Variants in SLC3A1 observed in about 807,000 individuals in gnomAD.
The protein encoded by SLC3A1 is amino acid transporter heavy chain SLC3A1.
SLC3A1 carries 78 observed loss-of-function variants against 60.3 expected under a neutral mutation model. The observed-to-expected ratio is 1.29, with a 90% CI of 1.08 to 1.56. SLC3A1 has a LOEUF of 1.56. Among genes scored for constraint, SLC3A1 ranks in the 40% most tolerant of loss-of-function variants. The pLI is 0.00. For missense variants in SLC3A1, 1,172 were observed against 858.9 expected, an observed-to-expected ratio of 1.36 and a Z score of -4.56; for synonymous variants, 392 against 307.9, an observed-to-expected ratio of 1.27 and a Z score of -2.86.
chr2:44,313,709 T>A (rs1672354435), intron 8 of SLC3A1, 126 bp from the exon 9 acceptor site: 3 of 838,442 alleles, frequency 3.6e-6, no homozygotes, highest in Admixed American at 1.8e-5. Flanking sequence ...TCATCACAAA[T>A]GCTAATGAGT....
rs557113283 is a variant in SLC3A1 at position 44,278,290 on chromosome 2, C to CA, written c.430+2333dup. Among the ~76,000 whole-genome samples, 470 of 151,284 alleles carry CA rather than the reference C, an allele frequency of 3.1e-3. 3 individuals carry two copies. Among genetic ancestry groups the CA allele is most frequent in the African/African-American group, 0.011 (455 of 41,244 alleles). On this transcript the variant is annotated intron_variant, in intron 1 of 9. Transcript: ENST00000260649. ...AAACCCCGTCTCTACTAAAAAAATA[C>CA]AAAAAAAATCAGCTGGGCGTGGTGG...
intron 4 of SLC3A1, among the ~76,000 whole-genome samples, chr2:44,289,492 T>C (rs113787785): frequency 0.08 from 12,132 of 152,220 alleles, 572 homozygotes; most frequent in Non-Finnish European, 0.11. Context: ...ATTATAGGCA[T>C]GAGCCACCAC....
At chr2:44,310,368 G>C (rs901468594) in intron 7 of SLC3A1, among the ~76,000 whole-genome samples, 4 of 152,154 alleles carry the variant, frequency 2.6e-5, no homozygotes, top group African/African-American at 9.7e-5. Flanking sequence ...AAATGAAGTG[G>C]TATCTCATTT....
At position 44,312,627 on chromosome 2, in the gene SLC3A1, G is replaced by A. The variant is rs1402984821; in HGVS notation, c.1374G>A (p.Gly458=). ...GTTCACGGCTGACTTCGCGTTTGGG[G>A]AATCAGTATGTCAACGTGATGAACA... ...PDSSRLTSRL[G]NQYVNVMNML... The change falls in exon 8 of 10, where the codon GGG becomes GGA. Residue 458 remains glycine (G), a synonymous_variant. Transcript: ENST00000260649. The A allele has an allele frequency of 1.2e-6, 2 of 1,613,962 alleles. No homozygotes were observed. Among genetic ancestry groups the A allele is most frequent in the Non-Finnish European group, 1.7e-6 (2 of 1,179,882 alleles).
chr2:44,282,988 C>T (rs187934656), intron 3 of SLC3A1, among the ~76,000 whole-genome samples: 13 of 152,196 alleles, frequency 8.5e-5, no homozygotes, highest in African/African-American at 3.1e-4. Context: ...CAACAATATG[C>T]GTGTTGATCT....
intron 1 of SLC3A1, among the ~76,000 whole-genome samples, chr2:44,279,101 C>G (rs1321483314): frequency 6.6e-6 from 1 of 151,872 alleles, no homozygotes; most frequent in East Asian, 1.9e-4. Flanking sequence ...CAGGTTCAAG[C>G]AATTCTCCTG....
At chr2:44,300,538 A>T (rs1671976842) in intron 5 of SLC3A1, among the ~76,000 whole-genome samples, 1 of 152,248 alleles carries the variant, frequency 6.6e-6, no homozygotes, top group Non-Finnish European at 1.5e-5. Flanking sequence ...AGATACAGAA[A>T]CTAGGAAAAA....
Position 44,280,876 on chromosome 2 carries a change from T to G in SLC3A1, c.591T>G (p.Val197=), listed in dbSNP as rs780575379. The change falls in exon 2 of 10, where the codon GTT becomes GTG. Residue 197 remains valine, a synonymous_variant. Coordinates refer to ENST00000260649, the MANE Select transcript of SLC3A1 (RefSeq NM_000341.4). ...CGATGGAAGATTTTGAGAATCTGGTTGCAGCCATACATGATAAAGGTAAGT... is the reference window on the plus strand; with the variant it reads ...CGATGGAAGATTTTGAGAATCTGGTGGCAGCCATACATGATAAAGGTAAGT... ...FGTMEDFENL[V]AAIHDKGLKL... 3.7e-6 allele frequency: 6 copies of G among 1,614,136 alleles called. No individual in the cohort carries two copies. In the South Asian group the frequency reaches 4.4e-5, roughly 12 times the overall value.
rs147289733 is a variant in SLC3A1, at chr2:44,304,259, C to G, written c.1253C>G (p.Thr418Ser). The change falls in exon 7 of 10, where the codon ACT becomes AGT. Residue 418 changes from threonine (T) to serine (S), a missense_variant. Transcript: ENST00000260649. ...PFNNYLSMLD[T>S]VSGNSVYEVI... The stretch of plus-strand genomic sequence containing the variant: ...AACAATTACCTCAGCATGCTAGACA[C>G]TGTTTCTGGGAACAGCGTGTATGAG... 50 of 1,614,030 alleles carry G rather than the reference C, an allele frequency of 3.1e-5. No homozygotes were observed. The African/African-American group carries it at 6.5e-4, about 21-fold the overall frequency.
chr2:44,278,409 C>T (rs538377683), intron 1 of SLC3A1, among the ~76,000 whole-genome samples: 13 of 152,078 alleles, frequency 8.5e-5, no homozygotes, highest in African/African-American at 2.4e-4. Flanking sequence ...GATCGCACCA[C>T]TGCACTCCAG....
At chr2:44,309,323 G>T (rs904307843) in intron 7 of SLC3A1, among the ~76,000 whole-genome samples, 9 of 152,032 alleles carry the variant, frequency 5.9e-5, no homozygotes, top group Non-Finnish European at 1.2e-4. Context: ...TTGTCCTTTT[G>T]TGTCTGCCTC....
downstream of SLC3A1, chr2:44,321,733 GC>G: frequency 6.2e-7 from 1 of 1,607,402 alleles, no homozygotes. Flanking sequence ...TTGTGAAGTG[GC>G]TTTGTCATAA....
At chr2:44,309,118 A>C (rs1471530132) in intron 7 of SLC3A1, among the ~76,000 whole-genome samples, 1 of 152,178 alleles carries the variant, frequency 6.6e-6, no homozygotes, top group African/African-American at 2.4e-5. Flanking sequence ...CAATGCATTA[A>C]ATACATTCAA....
intron 7 of SLC3A1, 134 bp from the exon 8 acceptor site, chr2:44,312,452 T>G (rs1672321707): frequency 2.3e-6 from 2 of 883,042 alleles, no homozygotes; most frequent in Non-Finnish European, 3.8e-6. Flanking sequence ...GGCCTAGGAC[T>G]CAAGTCCAGG....
rs376612851 is a variant in SLC3A1 at position 44,312,577 on chromosome 2, G to A, written c.1333-9G>A. On this transcript the variant is annotated splice_polypyrimidine_tract_variant and intron_variant, in intron 7 of 9. Transcript: ENST00000260649. The stretch of plus-strand genomic sequence containing the variant: ...TACAGCTGTGTTCTTAAAAATATCT[G>A]CCTTTCAGATTGGTGGACCAGACAG... 1 of 1,613,608 alleles carries A rather than the reference G, an allele frequency of 6.2e-7. No individual in the cohort carries two copies. Among genetic ancestry groups the A allele is most frequent in the Non-Finnish European group, 8.5e-7 (1 of 1,179,600 alleles).
At chr2:44,280,669 A>G (rs1202414164) in intron 1 of SLC3A1, 47 bp from the exon 2 acceptor site, 6 of 1,369,870 alleles carry the variant, frequency 4.4e-6, no homozygotes, top group Admixed American at 1.8e-5. Context: ...TTGTCCTTTA[A>G]CTAAAACAAA....
In SLC3A1 at chr2:44,320,786, C is replaced by A; in HGVS notation, c.*147C>A. On this transcript the variant is annotated 3_prime_UTR_variant, in exon 10 of 10. Coordinates refer to ENST00000260649, the MANE Select transcript of SLC3A1 (RefSeq NM_000341.4). ...GAATGTAACTGCTTTAAGAAAGGTTCTCAAATGTTTTGAAAAAAATAAAAT... is the reference window on the plus strand; with the variant it reads ...GAATGTAACTGCTTTAAGAAAGGTTATCAAATGTTTTGAAAAAAATAAAAT... 1.4e-6 allele frequency: 1 copy of A among 711,850 alleles called. No homozygotes were observed. Among genetic ancestry groups the A allele is most frequent in the Non-Finnish European group, 2.4e-6 (1 of 415,016 alleles). 44.1% of individuals were successfully genotyped at this position (711,850 alleles called of 1,614,324 possible). A position where few individuals can be genotyped will look rare whatever the true frequency, so the allele number is the denominator to read the frequency against.
intron 3 of SLC3A1, among the ~76,000 whole-genome samples, chr2:44,284,799 C>T (rs1317939918): frequency 2.6e-5 from 4 of 152,074 alleles, no homozygotes; most frequent in Non-Finnish European, 5.9e-5. Flanking sequence ...CTTCTGGCCT[C>T]AAGCAGTCCT....
Position 44,277,630 on chromosome 2 carries a change from A to T in SLC3A1, c.430+1665A>T, listed in dbSNP as rs192247919. On this transcript the variant is annotated intron_variant, in intron 1 of 9. Transcript: ENST00000260649. ...CCTTTCCCCTGACTCATGACCTATG[A>T]CCTGCTGCCTTTTGCACATTGAGTG... Among the ~76,000 whole-genome samples, 253 of 152,148 alleles carry T rather than the reference A, an allele frequency of 1.7e-3. 1 individual carries two copies. The highest frequency in any genetic ancestry group is 2.8e-3 in the Non-Finnish European group (188 of 67,996).
Sources: allele counts gnomAD v4.1 joint callset (sites outside exome capture counted in the v4.1 genomes callset), GRCh38; gene constraint gnomAD v4.1.1; transcripts MANE v1.5; gene names NCBI Gene and HGNC (gene_info 2026-07-23, HGNC 2026-07-21).